Variants in PRKDC observed in about 807,000 individuals in gnomAD.
PRKDC encodes DNA-dependent protein kinase catalytic subunit.
Under a neutral mutation model 486.9 loss-of-function variants are expected in PRKDC, and 82 were observed. The observed-to-expected ratio is 0.17, with a 90% CI of 0.14 to 0.20. The LOEUF (loss-of-function observed/expected upper bound fraction) is 0.20. PRKDC is among the 10% of genes least tolerant of loss of function. The pLI is 1.00. For missense variants in PRKDC, 4,504 were observed against 5,038.2 expected (o/e 0.89, Z 3.21); for synonymous variants, 1,895 against 1,837.0 (o/e 1.03, Z -0.81).
At chr8:47,936,087 TA>T (rs1483423283) in intron 12 of PRKDC, among the ~76,000 whole-genome samples, 187 bp from the exon 13 acceptor site, 1 of 151,136 alleles carries the variant, frequency 6.6e-6, no homozygotes, top group Admixed American at 6.6e-5. Flanking sequence ...ACACTCAGAG[TA>T]AAAATTGTCT....
In PRKDC at chr8:47,774,061, A is replaced by C; in HGVS notation, c.*112T>G. The C allele has an allele frequency of 1.8e-6, 2 of 1,110,848 alleles. No homozygotes were observed. Among genetic ancestry groups the C allele is most frequent in the Non-Finnish European group, 1.3e-6 (1 of 798,070 alleles). 68.8% of individuals were successfully genotyped at this position (1,110,848 alleles called of 1,614,324 possible). On this transcript the variant is annotated 3_prime_UTR_variant, in exon 86 of 86. Coordinates refer to ENST00000314191, the MANE Select transcript of PRKDC (RefSeq NM_006904.7). ...TCATGCTACGAAACTGTAGCACAAA[A>C]GACATTTCTCTTTAGTGTTTCAGGA...
intron 70 of PRKDC, among the ~76,000 whole-genome samples, chr8:47,802,009 C>T (rs900414911): frequency 6.6e-6 from 1 of 152,180 alleles, no homozygotes; most frequent in Non-Finnish European, 1.5e-5. Context: ...AACTCCTCCT[C>T]TTCCCCTCAA....
At chr8:47,870,425 G>T (rs1048366520) in intron 40 of PRKDC, among the ~76,000 whole-genome samples, 10 of 152,204 alleles carry the variant, frequency 6.6e-5, no homozygotes, top group African/African-American at 2.4e-4. Flanking sequence ...TTCCAAGATT[G>T]TACCAAGACC....
chr8:47,789,012 G>A lies in PRKDC; in HGVS notation c.10796C>T (p.Thr3599Ile), dbSNP rs147753989. Residue 3599 changes from threonine to isoleucine, a missense_variant, in exon 76 of 86, where the codon ACC becomes ATC. Coordinates refer to ENST00000314191, the MANE Select transcript of PRKDC (RefSeq NM_006904.7). ...TTCAATGTTTTTTTTATTTACAGGGGTTTTTGCTAGTTCAGCTCTTACATC... is the reference window on the plus strand; with the variant it reads ...TTCAATGTTTTTTTTATTTACAGGGATTTTTGCTAGTTCAGCTCTTACATC... ...SNDVRAELAKTPVNKKNIEKM... is the reference protein window; with the variant it reads ...SNDVRAELAKIPVNKKNIEKM... 4 of 1,612,588 alleles carry A rather than the reference G, an allele frequency of 2.5e-6. No individual in the cohort carries two copies. The highest frequency in any genetic ancestry group is 3.4e-6 in the Non-Finnish European group (4 of 1,179,350).
At chr8:47,874,256 T>C (rs2089036607) in intron 40 of PRKDC, among the ~76,000 whole-genome samples, 1 of 152,090 alleles carries the variant, frequency 6.6e-6, no homozygotes, top group South Asian at 2.1e-4. Flanking sequence ...GCCAATATTT[T>C]ACATTTTTAA....
intron 27 of PRKDC, among the ~76,000 whole-genome samples, chr8:47,901,311 T>C (rs1040675483): frequency 2.6e-5 from 4 of 151,932 alleles, no homozygotes; most frequent in Admixed American, 2.0e-4. Context: ...CAGTCTCTAC[T>C]AAAAACACAA....
chr8:47,894,054 G>C (rs2154501998), intron 30 of PRKDC, among the ~76,000 whole-genome samples: 1 of 152,264 alleles, frequency 6.6e-6, no homozygotes, highest in South Asian at 2.1e-4. Flanking sequence ...GCTGAGATGG[G>C]CGGATCACTT....
intron 30 of PRKDC, among the ~76,000 whole-genome samples, chr8:47,896,228 G>A: frequency 6.6e-6 from 1 of 151,740 alleles, no homozygotes; most frequent in Non-Finnish European, 1.5e-5. Context: ...TATATAATAT[G>A]TAGTATATAA....
intron 68 of PRKDC, among the ~76,000 whole-genome samples, chr8:47,815,405 C>A (rs1284976460): frequency 2.6e-5 from 4 of 152,174 alleles, no homozygotes; most frequent in Non-Finnish European, 5.9e-5. Context: ...CTACCTCACG[C>A]CATTTACAAA....
chr8:47,906,400 G>A (rs2089783361), intron 25 of PRKDC, among the ~76,000 whole-genome samples: 2 of 148,186 alleles, frequency 1.3e-5, no homozygotes, highest in South Asian at 4.1e-4. Context: ...TTGGGAGGCT[G>A]AGGAGGGCGG....
intron 36 of PRKDC, among the ~76,000 whole-genome samples, chr8:47,884,673 C>T (rs916602427): frequency 6.6e-6 from 1 of 152,104 alleles, no homozygotes; most frequent in African/African-American, 2.4e-5. Context: ...TGCAATCTAC[C>T]ACAAAAGATT....
At chr8:47,860,777 G>T in intron 45 of PRKDC, 122 bp downstream of exon 45, 1 of 673,192 alleles carries the variant, frequency 1.5e-6, no homozygotes, top group Non-Finnish European at 2.4e-6. Context: ...AATGTTTTAG[G>T]GTACTTAAAG....
rs1166213645 is a variant in PRKDC at position 47,836,341 on chromosome 8, C to T, written c.7948G>A (p.Ala2650Thr). Reference sequence around the variant, plus strand: ...CAGCGGGCAGGGTCACTGTTACCTGCAGTCTGTGTCAGTGTGAAGTCATGC... The same window carrying T: ...CAGCGGGCAGGGTCACTGTTACCTGTAGTCTGTGTCAGTGTGAAGTCATGC... ...QQHDFTLTQT[A>T]DGRSSFDWLT... Residue 2650 changes from alanine (A) to threonine (T), a missense_variant, in exon 58 of 86, where the codon GCA becomes ACA. Ala to Thr is a moderately conservative substitution (Grantham distance 58). Around this residue, in one of 6 missense-constraint regions of PRKDC, gnomAD observed 1,592 missense variants for 1,724.6 expected, o/e 0.92. Coordinates refer to ENST00000314191, the MANE Select transcript of PRKDC (RefSeq NM_006904.7). 6.3e-7 allele frequency: 1 copy of T among 1,575,896 alleles called. No individual in the cohort carries two copies. The highest frequency in any genetic ancestry group is 2.3e-5 in the East Asian group (1 of 44,324).
chr8:47,791,996 T>C (rs187751964), intron 74 of PRKDC, among the ~76,000 whole-genome samples: 1 of 152,104 alleles, frequency 6.6e-6, no homozygotes, highest in Admixed American at 6.6e-5. Context: ...ATACATGCAA[T>C]AGAGTACTAT....
chr8:47,934,330 G>A (rs995097436), intron 14 of PRKDC, among the ~76,000 whole-genome samples: 2 of 152,230 alleles, frequency 1.3e-5, no homozygotes, highest in Non-Finnish European at 2.9e-5. Flanking sequence ...CTGAGGTCAA[G>A]AGTTTGAAAC....
intron 68 of PRKDC, 81 bp downstream of exon 68, chr8:47,817,369 C>T (rs2087469546): frequency 7.6e-6 from 8 of 1,050,192 alleles, no homozygotes; most frequent in Non-Finnish European, 1.1e-5. Flanking sequence ...CCACATTTCT[C>T]TAAACCATGG....
intron 11 of PRKDC, among the ~76,000 whole-genome samples, chr8:47,939,191 T>G (rs1456857365): frequency 6.6e-6 from 1 of 152,184 alleles, no homozygotes; most frequent in Non-Finnish European, 1.5e-5. Flanking sequence ...GAAGAAATCT[T>G]AACTGTTAAT....
chr8:47,801,292 G>A (rs998690376), intron 70 of PRKDC, among the ~76,000 whole-genome samples: 23 of 152,080 alleles, frequency 1.5e-4, no homozygotes, highest in African/African-American at 4.6e-4. Context: ...CGCTGGTCTC[G>A]AACTCCTGAG....
chr8:47,844,877 G>C (rs2088232332), intron 54 of PRKDC, among the ~76,000 whole-genome samples: 1 of 152,048 alleles, frequency 6.6e-6, no homozygotes, highest in Non-Finnish European at 1.5e-5. Context: ...CAAAATGCTG[G>C]AAAGACCTCA....
Sources: allele counts gnomAD v4.1 joint callset (sites outside exome capture counted in the v4.1 genomes callset), GRCh38; gene constraint gnomAD v4.1.1; regional missense constraint gnomAD v4.1.1; transcripts MANE v1.5; gene names NCBI Gene and HGNC (gene_info 2026-07-23, HGNC 2026-07-21).